CFAP77: variants seen among roughly 807,000 people sequenced by gnomAD.
CFAP77 encodes cilia and flagella associated protein 77.
Under a neutral mutation model 31.1 loss-of-function variants are expected in CFAP77, and 25 were observed. The ratio of observed to expected loss-of-function variants is 0.80; its 90% confidence interval spans 0.59 to 1.12. The LOEUF (loss-of-function observed/expected upper bound fraction) is 1.12. Among genes scored for constraint, CFAP77 ranks in the 50% most tolerant of loss-of-function variants. The pLI is 0.00. For missense variants in CFAP77, 377 were observed against 397.3 expected, an observed-to-expected ratio of 0.95 and a Z score of 0.44; for synonymous variants, 151 against 159.9, an observed-to-expected ratio of 0.94 and a Z score of 0.42.
intron 3 of CFAP77, among the ~76,000 whole-genome samples, chr9:132,520,232 C>G (rs949312881): frequency 1.3e-5 from 2 of 152,090 alleles, no homozygotes; most frequent in African/African-American, 4.8e-5. Context: ...TCAATCTTGT[C>G]TTTTTAGTTT....
intron 1 of CFAP77, among the ~76,000 whole-genome samples, chr9:132,474,701 A>C (rs1453438128): frequency 6.6e-6 from 1 of 152,208 alleles, no homozygotes; most frequent in Non-Finnish European, 1.5e-5. Flanking sequence ...ACACAGGGCC[A>C]AAGGTTGAGA....
chr9:132,413,979 TGAG>T (rs1015054920), intron 1 of CFAP77, among the ~76,000 whole-genome samples: 1 of 152,198 alleles, frequency 6.6e-6, no homozygotes, highest in African/African-American at 2.4e-5. Flanking sequence ...CCTCCTTTTT[TGAG>T]GAGATCAAGG....
chr9:132,461,441 G>A (rs1336148997), intron 1 of CFAP77, among the ~76,000 whole-genome samples: 1 of 152,156 alleles, frequency 6.6e-6, no homozygotes, highest in Non-Finnish European at 1.5e-5. Context: ...CTGCTTCAGC[G>A]GCCTTCCTTC....
At chr9:132,471,480 G>T (rs766572795) in intron 1 of CFAP77, among the ~76,000 whole-genome samples, 4 of 151,530 alleles carry the variant, frequency 2.6e-5, no homozygotes, top group Non-Finnish European at 5.9e-5. Flanking sequence ...CACATCAAGT[G>T]AATGGCCACC....
chr9:132,419,089 A>G (rs1056503154), intron 1 of CFAP77, among the ~76,000 whole-genome samples: 2 of 152,232 alleles, frequency 1.3e-5, no homozygotes, highest in African/African-American at 2.4e-5. Flanking sequence ...CAGGAAGGTC[A>G]ACATGAGTAG....
chr9:132,419,752 A>T (rs1850177209), intron 1 of CFAP77, among the ~76,000 whole-genome samples: 1 of 152,190 alleles, frequency 6.6e-6, no homozygotes, highest in Non-Finnish European at 1.5e-5. Flanking sequence ...TATTTATTGA[A>T]CACCTACAAT....
At chr9:132,486,066 GTATA>G (rs1368429138) in intron 1 of CFAP77, among the ~76,000 whole-genome samples, 306 of 16,336 alleles carry the variant, frequency 0.019, 60 homozygotes, top group Non-Finnish European at 0.022. Context: ...GTGTGTGTGT[GTATA>G]TATATATATA....
rs1227948505 is a variant in CFAP77 at position 132,499,557 on chromosome 9, C to A, written c.481C>A (p.Pro161Thr). 1.2e-6 allele frequency: 2 copies of A among 1,614,200 alleles called. No homozygotes were observed. Among genetic ancestry groups the A allele is most frequent in the South Asian group, 1.1e-5 (1 of 91,080 alleles). ...GGATGACCGGCGCATGAAGAAAGAG[C>A]CGCCCCCTCTCCCTCCAAACATGAC... ...DQDDRRMKKEPPPLPPNMTFG... is the reference protein window; with the variant it reads ...DQDDRRMKKETPPLPPNMTFG... Residue 161 changes from proline (P) to threonine (T), a missense_variant, in exon 3 of 6, where the codon CCG becomes ACG. Physicochemically the swap from Pro to Thr is conservative, Grantham distance 38 (BLOSUM62 -1). Coordinates refer to ENST00000393216, the MANE Select transcript of CFAP77 (RefSeq NM_001282957.2). This position sits in a 1 kb window ranked among gnomAD's most constrained non-coding sequence, Gnocchi z 5.4.
At chr9:132,553,052 C>T (rs1392071404) in intron 5 of CFAP77, among the ~76,000 whole-genome samples, 1 of 152,150 alleles carries the variant, frequency 6.6e-6, no homozygotes, top group Non-Finnish European at 1.5e-5. Flanking sequence ...GATCTGGAGA[C>T]TATAAGTCCA....
rs560621118 is a variant in CFAP77 at position 132,438,824 on chromosome 9, C to T, written c.195+28358C>T. Among the ~76,000 whole-genome samples the T allele has an allele frequency of 1.4e-4, 21 of 151,516 alleles. No individual in the cohort carries two copies. In the South Asian group the frequency reaches 1.7e-3, roughly 12 times the overall value. Reference sequence around the variant, plus strand: ...TGCTGGGGTTACAGGTGTGAGCCACCGCACCTGACCGGCCAACATTCTTTG... The same window carrying T: ...TGCTGGGGTTACAGGTGTGAGCCACTGCACCTGACCGGCCAACATTCTTTG... On this transcript the variant is annotated intron_variant, in intron 1 of 5. Coordinates refer to ENST00000393216, the MANE Select transcript of CFAP77 (RefSeq NM_001282957.2).
chr9:132,432,880 A>ATTT (rs35965792), intron 1 of CFAP77, among the ~76,000 whole-genome samples: 4 of 151,438 alleles, frequency 2.6e-5, no homozygotes, highest in South Asian at 2.1e-4. Flanking sequence ...CGCCCAGCTA[A>ATTT]TTTTTTTTGT....
chr9:132,484,438 C>T (rs1851502460), intron 1 of CFAP77, among the ~76,000 whole-genome samples: 1 of 152,212 alleles, frequency 6.6e-6, no homozygotes, highest in South Asian at 2.1e-4. Flanking sequence ...AATCTGCTTT[C>T]TGTCTCTTCA....
chr9:132,431,523 G>A (rs1174300988), intron 1 of CFAP77, among the ~76,000 whole-genome samples: 2 of 152,162 alleles, frequency 1.3e-5, no homozygotes, highest in African/African-American at 4.8e-5. Flanking sequence ...CTCGATGAAT[G>A]AAAAGATAGG....
At position 132,542,988 on chromosome 9, in the gene CFAP77, A is replaced by C; in HGVS notation, c.673A>C (p.Arg225=). ...GTATGAGACCCGGAGCAGTCAGCTG[A>C]GGAAGTACAAGCCGCCCGTGAAGCT... ...KLYETRSSQL[R]KYKPPVKLDT... Residue 225 remains arginine, a synonymous_variant, in exon 5 of 6, where the codon AGG becomes CGG. Transcript: ENST00000393216. 1 of 1,614,116 alleles carries C rather than the reference A, an allele frequency of 6.2e-7. No individual in the cohort carries two copies. The highest frequency in any genetic ancestry group is 8.5e-7 in the Non-Finnish European group (1 of 1,180,020).
At chr9:132,453,502 G>C (rs1850865521) in intron 1 of CFAP77, among the ~76,000 whole-genome samples, 2 of 152,198 alleles carry the variant, frequency 1.3e-5, no homozygotes, top group African/African-American at 4.8e-5. Context: ...CTCCAGCCTG[G>C]GCGACAGAGC....
chr9:132,506,372 G>T (rs983203353), intron 3 of CFAP77, among the ~76,000 whole-genome samples: 2 of 152,144 alleles, frequency 1.3e-5, no homozygotes, highest in Non-Finnish European at 2.9e-5. Flanking sequence ...GCAAATGTTC[G>T]CATGCCCTCG....
chr9:132,538,709 C>A (rs191375455), intron 4 of CFAP77, among the ~76,000 whole-genome samples: 1 of 151,960 alleles, frequency 6.6e-6, no homozygotes, highest in Non-Finnish European at 1.5e-5. Flanking sequence ...ACCTGGGAGG[C>A]GGAGGTTGCA....
chr9:132,513,239 CTTTCT>C, intron 3 of CFAP77: 1 of 1,541,136 alleles, frequency 6.5e-7, no homozygotes, highest in Non-Finnish European at 8.7e-7. Flanking sequence ...TTAACCAATC[CTTTCT>C]TTTGTGTTTA....
chr9:132,412,404 T>A (rs1417414138), intron 1 of CFAP77, among the ~76,000 whole-genome samples: 1 of 152,224 alleles, frequency 6.6e-6, no homozygotes, highest in African/African-American at 2.4e-5. Flanking sequence ...CTGGAGCAGT[T>A]AAGATGACGT....
Sources: allele counts gnomAD v4.1 joint callset (sites outside exome capture counted in the v4.1 genomes callset), GRCh38; gene constraint gnomAD v4.1.1; non-coding constraint Gnocchi (gnomAD v3.1); transcripts MANE v1.5; gene names NCBI Gene and HGNC (gene_info 2026-07-23, HGNC 2026-07-21).